KCNJ16: variants seen among roughly 807,000 people sequenced by gnomAD.
The protein encoded by KCNJ16 is potassium inwardly rectifying channel subfamily J member 16, also known as inward rectifier potassium channel 16.
Under a neutral mutation model 18.5 loss-of-function variants are expected in KCNJ16, and 15 were observed. That is an observed-to-expected ratio of 0.81 (90% confidence interval 0.54 to 1.25). KCNJ16 has a LOEUF of 1.25. KCNJ16 is among the 50% of genes most tolerant of loss of function. KCNJ16 has a pLI of 0.00. For missense variants in KCNJ16, 523 were observed against 525.7 expected, an observed-to-expected ratio of 0.99 and a Z score of 0.05; for synonymous variants, 174 against 186.5, an observed-to-expected ratio of 0.93 and a Z score of 0.55.
rs1332442966 is a variant in KCNJ16, at chr17:70,090,733, A to ACGGC, written c.-299-9925_-299-9924insCGGC. On this transcript the variant is annotated intron_variant, in intron 1 of 3. Transcript: ENST00000392671. ...ACAATACCGCTAACCCACTCACAAT[A>ACGGC]TGGCTAACCCACTCACAATACCGCT... is the stretch of plus-strand genomic sequence containing the variant. Among the ~76,000 whole-genome samples, 20 of 147,768 alleles carry ACGGC rather than the reference A, an allele frequency of 1.4e-4. 1 individual carries two copies. Among genetic ancestry groups the ACGGC allele is most frequent in the Non-Finnish European group, 2.7e-4 (18 of 67,736 alleles).
At chr17:70,099,471 T>A (rs1344953160) in intron 1 of KCNJ16, among the ~76,000 whole-genome samples, 1 of 151,990 alleles carries the variant, frequency 6.6e-6, no homozygotes, top group Admixed American at 6.6e-5. Context: ...GACTTCCTCA[T>A]GGGTAAGGTC....
intron 2 of KCNJ16, among the ~76,000 whole-genome samples, chr17:70,129,437 A>G (rs1215772132): frequency 6.6e-6 from 1 of 152,220 alleles, no homozygotes; most frequent in African/African-American, 2.4e-5. Flanking sequence ...TGTGACAAAA[A>G]GGCCTCCATA....
chr17:70,116,535 T>C (rs539348746), intron 2 of KCNJ16, among the ~76,000 whole-genome samples: 5 of 152,342 alleles, frequency 3.3e-5, no homozygotes, highest in African/African-American at 1.2e-4. Flanking sequence ...AAATTAAATG[T>C]ATACATTTGA....
At position 70,095,875 on chromosome 17, in the gene KCNJ16, T is replaced by C. The variant is rs1408787069; in HGVS notation, c.-299-4783T>C. 6.8e-3 allele frequency among the ~76,000 whole-genome samples: 737 copies of C among 108,384 alleles called. 173 individuals carry two copies. The highest frequency in any genetic ancestry group is 0.014 in the South Asian group (40 of 2,790). The allele number at this position is 108,384 out of a possible 152,430, so 71.1% of individuals were successfully genotyped here. On this transcript the variant is annotated intron_variant, in intron 1 of 3. Coordinates refer to ENST00000392671, the MANE Select transcript of KCNJ16 (RefSeq NM_170741.4). ...GCATTTTATATTACTTAATCCTTTT[T>C]TTTTTTTTTTTTTTTTTTTTTTTTT...
intron 2 of KCNJ16, among the ~76,000 whole-genome samples, chr17:70,110,325 C>T (rs1318061185): frequency 6.6e-6 from 1 of 152,104 alleles, no homozygotes; most frequent in Non-Finnish European, 1.5e-5. Context: ...TTGATAGTGT[C>T]CTTGAAGTGA....
chr17:70,090,620 G>A (rs771361411), intron 1 of KCNJ16, among the ~76,000 whole-genome samples: 10 of 151,934 alleles, frequency 6.6e-5, no homozygotes, highest in Non-Finnish European at 1.3e-4. Flanking sequence ...TTATCTACCC[G>A]GGTTAGCAGG....
chr17:70,106,594 T>A (rs1368224950), intron 2 of KCNJ16, among the ~76,000 whole-genome samples: 1 of 152,214 alleles, frequency 6.6e-6, no homozygotes, highest in Non-Finnish European at 1.5e-5. Context: ...AATTTTGTGA[T>A]GAGGAAGATG....
chr17:70,087,894 C>T (rs949861098), intron 1 of KCNJ16, among the ~76,000 whole-genome samples: 2 of 151,028 alleles, frequency 1.3e-5, no homozygotes, highest in African/African-American at 4.9e-5. Context: ...GTTGCAATTA[C>T]GTAAAAGGAA....
chr17:70,113,518 T>G (rs540515765), intron 2 of KCNJ16, among the ~76,000 whole-genome samples: 2 of 152,278 alleles, frequency 1.3e-5, no homozygotes, highest in African/African-American at 2.4e-5. Context: ...TTACTGTCAT[T>G]GGTGTATTTG....
intron 2 of KCNJ16, among the ~76,000 whole-genome samples, chr17:70,125,160 C>G (rs970221346): frequency 6.6e-6 from 1 of 151,730 alleles, no homozygotes; most frequent in Admixed American, 6.6e-5. Context: ...CAGCTACTTA[C>G]TTGGGAGGCT....
At chr17:70,105,946 C>T (rs534882214) in intron 2 of KCNJ16, among the ~76,000 whole-genome samples, 10 of 152,124 alleles carry the variant, frequency 6.6e-5, no homozygotes, top group Non-Finnish European at 1.5e-4. Flanking sequence ...GTTTAAAATC[C>T]CTCCCCTGCC....
chr17:70,103,296 G>GTGTGTGTGTATATATATATATA (rs1408960241), intron 2 of KCNJ16, among the ~76,000 whole-genome samples: 108 of 72,038 alleles, frequency 1.5e-3, no homozygotes, highest in African/African-American at 4.4e-3. Flanking sequence ...ATGTGTGTGT[G>GTGTGTGTGTATATATATATATA]TATATATATA....
chr17:70,089,069 G>A (rs10852723), intron 1 of KCNJ16, among the ~76,000 whole-genome samples: 125,354 of 152,122 alleles, frequency 0.82, 51,875 homozygotes, highest in East Asian at 0.95. Context: ...TTTTGTAACC[G>A]GCTACTTTGG....
intron 2 of KCNJ16, among the ~76,000 whole-genome samples, chr17:70,114,976 T>C (rs1348755015): frequency 2.6e-5 from 4 of 152,154 alleles, no homozygotes; most frequent in Admixed American, 1.3e-4. Flanking sequence ...TTTATCCTCA[T>C]AGCAATCCAC....
intron 2 of KCNJ16, among the ~76,000 whole-genome samples, chr17:70,111,006 G>A (rs1333840191): frequency 1.3e-5 from 2 of 152,112 alleles, no homozygotes; most frequent in Admixed American, 6.6e-5. Flanking sequence ...ATGCATCTCA[G>A]GAAAAATTAA....
intron 2 of KCNJ16, among the ~76,000 whole-genome samples, chr17:70,120,161 G>T (rs1309201134): frequency 2.0e-5 from 3 of 152,184 alleles, no homozygotes; most frequent in Admixed American, 1.3e-4. Context: ...CCAAGTTCAT[G>T]CATGAGTCAC....
Position 70,132,632 on chromosome 17 carries a change from T to C in KCNJ16, c.545T>C (p.Ile182Thr). 6.2e-7 allele frequency: 1 copy of C among 1,614,168 alleles called. No individual in the cohort carries two copies. Among genetic ancestry groups the C allele is most frequent in the Non-Finnish European group, 8.5e-7 (1 of 1,180,036 alleles). ...MATARKRAQT[I>T]RFSYFALIGM... ...ACTGCTCGAAAGAGAGCCCAAACCATTCGTTTCAGCTACTTTGCACTTATA... is the reference window on the plus strand; with the variant it reads ...ACTGCTCGAAAGAGAGCCCAAACCACTCGTTTCAGCTACTTTGCACTTATA... The change falls in exon 4 of 4, where the codon ATT becomes ACT. Residue 182 changes from isoleucine (I) to threonine (T), a missense_variant. Coordinates refer to ENST00000392671, the MANE Select transcript of KCNJ16 (RefSeq NM_170741.4).
intron 2 of KCNJ16, among the ~76,000 whole-genome samples, chr17:70,129,102 A>AC (rs1362859751): frequency 6.6e-6 from 1 of 151,860 alleles, no homozygotes; most frequent in Non-Finnish European, 1.5e-5. Context: ...GGAGTTATTC[A>AC]CCCTCCACCC....
At chr17:70,126,522 C>A (rs897409905) in intron 2 of KCNJ16, among the ~76,000 whole-genome samples, 1 of 152,164 alleles carries the variant, frequency 6.6e-6, no homozygotes, top group Non-Finnish European at 1.5e-5. Flanking sequence ...TCAAACTTCA[C>A]AGTACTTTGG....
Sources: gnomAD v4.1 joint callset for allele counts (sites outside exome capture counted in the v4.1 genomes callset) on GRCh38, gnomAD v4.1.1 for gene constraint, MANE v1.5 for transcripts, NCBI Gene and HGNC (gene_info 2026-07-23, HGNC 2026-07-21) for gene names.